The following TAFA5 variants were observed in gnomAD, a reference collection of about 807,000 sequenced individuals.
TAFA5 encodes the protein chemokine-like protein TAFA-5.
TAFA5 carries 6 observed loss-of-function variants against 15.3 expected under a neutral mutation model. The observed-to-expected ratio is 0.39, with a 90% CI of 0.21 to 0.77. TAFA5 has a LOEUF of 0.77. Ranked by LOEUF, TAFA5 falls within the 30% of genes least tolerant of loss-of-function variation. The pLI is 0.41. For missense variants in TAFA5, 161 were observed against 193.1 expected, an observed-to-expected ratio of 0.83 and a Z score of 0.98; for synonymous variants, 103 against 80.7, an observed-to-expected ratio of 1.28 and a Z score of -1.48.
intron 1 of TAFA5, among the ~76,000 whole-genome samples, chr22:48,575,726 C>T (rs1923752778): frequency 6.9e-6 from 1 of 144,614 alleles, no homozygotes; most frequent in Non-Finnish European, 1.5e-5. Context: ...AGGCCGGCAC[C>T]GTCCGGTGGG....
At chr22:48,542,945 G>A (rs78810774) in intron 1 of TAFA5, among the ~76,000 whole-genome samples, 14,542 of 150,476 alleles carry the variant, frequency 0.097, 811 homozygotes, top group African/African-American at 0.14. Context: ...GGGGTGTATA[G>A]TCTGTGGTGT....
intron 2 of TAFA5, among the ~76,000 whole-genome samples, chr22:48,691,551 C>A (rs527491805): frequency 6.6e-6 from 1 of 152,358 alleles, no homozygotes; most frequent in South Asian, 2.1e-4. Context: ...GGAACGCAGC[C>A]TGGAGAGGCT....
At position 48,535,880 on chromosome 22, in the gene TAFA5, G is replaced by A. The variant is rs772723593; in HGVS notation, c.112+46176G>A. On this transcript the variant is annotated intron_variant, in intron 1 of 3. Coordinates refer to ENST00000402357, the MANE Select transcript of TAFA5 (RefSeq NM_001082967.3). ...CACACCGGCACATGTATGAGCACTCGTGTGTGTGCACACAGGCTGTGTGGG... is the reference window on the plus strand; with the variant it reads ...CACACCGGCACATGTATGAGCACTCATGTGTGTGCACACAGGCTGTGTGGG... Among the ~76,000 whole-genome samples the A allele has an allele frequency of 1.2e-3, 181 of 150,726 alleles. 5 individuals are homozygous for A. The highest frequency in any genetic ancestry group is 2.4e-4 in the Non-Finnish European group (16 of 67,518).
At chr22:48,540,942 G>A (rs1291668109) in intron 1 of TAFA5, among the ~76,000 whole-genome samples, 1 of 151,858 alleles carries the variant, frequency 6.6e-6, no homozygotes, top group Non-Finnish European at 1.5e-5. Flanking sequence ...CACAGGTCCT[G>A]GTAGCAGCTC....
intron 3 of TAFA5, among the ~76,000 whole-genome samples, chr22:48,745,374 C>T (rs1422681581): frequency 6.7e-6 from 1 of 149,936 alleles, no homozygotes; most frequent in Non-Finnish European, 1.5e-5. Context: ...CGGCGGCTGG[C>T]CTGCCCGGGG....
At chr22:48,651,940 G>A (rs1315714478) in intron 2 of TAFA5, among the ~76,000 whole-genome samples, 5 of 152,304 alleles carry the variant, frequency 3.3e-5, no homozygotes, top group African/African-American at 7.2e-5. Context: ...GTGGGTCCTG[G>A]CAGTGACTGC....
intron 3 of TAFA5, among the ~76,000 whole-genome samples, chr22:48,727,482 A>G (rs544061031): frequency 2.6e-5 from 4 of 152,380 alleles, no homozygotes; most frequent in South Asian, 4.1e-4. Flanking sequence ...TATAATTTCA[A>G]CTAAACCACT....
At chr22:48,509,070 T>G (rs574536517) in intron 1 of TAFA5, among the ~76,000 whole-genome samples, 11 of 152,354 alleles carry the variant, frequency 7.2e-5, no homozygotes, top group African/African-American at 2.2e-4. Flanking sequence ...GTATTTATCT[T>G]TCTGTGCCTA....
chr22:48,745,204 C>T (rs5771761), intron 3 of TAFA5, among the ~76,000 whole-genome samples: 49,275 of 151,564 alleles, frequency 0.33, 9,135 homozygotes, highest in Non-Finnish European at 0.43. Context: ...CGGCAGCTGG[C>T]CTGTCCAGGG....
chr22:48,644,416 G>A (rs79097580), intron 1 of TAFA5, among the ~76,000 whole-genome samples: 1 of 152,218 alleles, frequency 6.6e-6, no homozygotes. Flanking sequence ...CTGGCCTGGG[G>A]CACCTTGGAC....
chr22:48,546,073 C>T (rs557789378), intron 1 of TAFA5, among the ~76,000 whole-genome samples: 1 of 152,184 alleles, frequency 6.6e-6, no homozygotes, highest in South Asian at 2.1e-4. Context: ...GCTGGCCCTC[C>T]CATCCCATCA....
intron 2 of TAFA5, among the ~76,000 whole-genome samples, chr22:48,667,854 AGCTGT>A (rs1927674381): frequency 1.3e-4 from 1 of 7,934 alleles, no homozygotes; most frequent in Non-Finnish European, 2.1e-4. Context: ...CTTCACTGGG[AGCTGT>A]AATCCCCCAG....
intron 1 of TAFA5, among the ~76,000 whole-genome samples, chr22:48,580,177 T>C (rs1923982437): frequency 6.6e-6 from 1 of 152,200 alleles, no homozygotes; most frequent in African/African-American, 2.4e-5. Flanking sequence ...GGATTCAACT[T>C]CCATTGATTT....
intron 1 of TAFA5, among the ~76,000 whole-genome samples, chr22:48,540,652 T>C (rs1057308359): frequency 1.1e-4 from 16 of 151,582 alleles, no homozygotes; most frequent in Non-Finnish European, 1.5e-4. Context: ...CAAGCCTCGC[T>C]TCCTTTTCTT....
chr22:48,543,435 G>A (rs1010950795), intron 1 of TAFA5: 1 of 152,194 alleles, frequency 6.6e-6, no homozygotes, highest in African/African-American at 2.4e-5. Context: ...GCAGGTGGTG[G>A]GGGCCTTGCC....
chr22:48,491,030 G>A (rs894174215), intron 1 of TAFA5, among the ~76,000 whole-genome samples: 2 of 152,188 alleles, frequency 1.3e-5, no homozygotes, highest in African/African-American at 2.4e-5. Context: ...GCGCGGTTAT[G>A]CATTTCCCTA....
intron 1 of TAFA5, among the ~76,000 whole-genome samples, chr22:48,607,992 T>C (rs557630786): frequency 1.3e-5 from 2 of 151,210 alleles, no homozygotes; most frequent in East Asian, 3.9e-4. Flanking sequence ...CCCATCCCTC[T>C]CCAGGCCTGG....
chr22:48,568,620 T>A (rs1201365038), intron 1 of TAFA5, among the ~76,000 whole-genome samples: 1 of 152,218 alleles, frequency 6.6e-6, no homozygotes, highest in Non-Finnish European at 1.5e-5. Context: ...TGTGCAGTGT[T>A]CTCTGCCTGC....
intron 1 of TAFA5, among the ~76,000 whole-genome samples, chr22:48,547,689 G>C (rs1922723473): frequency 6.6e-6 from 1 of 152,214 alleles, no homozygotes; most frequent in Admixed American, 6.5e-5. Context: ...GTGACTCAGA[G>C]TGGGGTCCCA....
Sources: allele counts gnomAD v4.1 joint callset (sites outside exome capture counted in the v4.1 genomes callset), GRCh38; gene constraint gnomAD v4.1.1; transcripts MANE v1.5; gene names NCBI Gene and HGNC (gene_info 2026-07-23, HGNC 2026-07-21).